The following CAMTA1 variants were observed in gnomAD, a reference collection of about 807,000 sequenced individuals.
CAMTA1 encodes calmodulin binding transcription activator 1.
Under a neutral mutation model 170.9 loss-of-function variants are expected in CAMTA1, and 27 were observed. The ratio of observed to expected loss-of-function variants is 0.16; its 90% CI spans 0.12 to 0.22. CAMTA1 has a LOEUF of 0.22. Ranked by LOEUF, CAMTA1 falls within the 10% of genes least tolerant of loss-of-function variation. The pLI, the probability that CAMTA1 is intolerant of heterozygous loss-of-function variation, is 1.00. For synonymous variants in CAMTA1, 833 were observed against 891.5 expected (o/e 0.93, Z 1.17); for missense variants, 1,619 against 2,217.2 (o/e 0.73, Z 5.42).
intron 4 of CAMTA1, among the ~76,000 whole-genome samples, chr1:7,174,933 A>G (rs1432052000): frequency 6.6e-6 from 1 of 152,212 alleles, no homozygotes; most frequent in African/African-American, 2.4e-5. Context: ...ATGTCCCATC[A>G]TGCCTTTCCC....
At chr1:6,913,444 C>A (rs758158659) in intron 3 of CAMTA1, among the ~76,000 whole-genome samples, 2 of 152,192 alleles carry the variant, frequency 1.3e-5, no homozygotes, top group Non-Finnish European at 2.9e-5. Context: ...GCAGAGCCAT[C>A]ATGGTAACGA....
At chr1:7,183,025 C>T (rs1268372385) in intron 4 of CAMTA1, among the ~76,000 whole-genome samples, 1 of 152,108 alleles carries the variant, frequency 6.6e-6, no homozygotes, top group Non-Finnish European at 1.5e-5. Context: ...TTTTGCATTG[C>T]TATAAAGGAA....
intron 4 of CAMTA1, among the ~76,000 whole-genome samples, chr1:7,138,270 G>A (rs1277325020): frequency 6.6e-6 from 1 of 152,166 alleles, no homozygotes; most frequent in Non-Finnish European, 1.5e-5. Flanking sequence ...GGGATTCTAG[G>A]TGTGAGCCAC....
chr1:7,601,590 A>T (rs535957061), intron 6 of CAMTA1, among the ~76,000 whole-genome samples: 1 of 151,954 alleles, frequency 6.6e-6, no homozygotes, highest in Non-Finnish European at 1.5e-5. Context: ...CAAGGCAGGC[A>T]GCTGGGAGGT....
intron 4 of CAMTA1, among the ~76,000 whole-genome samples, chr1:7,190,570 C>T (rs1450993390): frequency 1.3e-5 from 2 of 151,976 alleles, no homozygotes; most frequent in African/African-American, 4.8e-5. Flanking sequence ...AGGTGAGTAG[C>T]GGAGGGGAAT....
intron 3 of CAMTA1, among the ~76,000 whole-genome samples, chr1:6,866,752 G>A (rs1292219288): frequency 6.6e-6 from 1 of 152,092 alleles, no homozygotes; most frequent in Non-Finnish European, 1.5e-5. Flanking sequence ...GACTGTGCCC[G>A]GACTTTTGCT....
intron 2 of CAMTA1, 77 bp downstream of exon 2, chr1:6,820,327 G>T (rs1425920178): frequency 1.4e-6 from 2 of 1,471,654 alleles, no homozygotes; most frequent in Non-Finnish European, 1.9e-6. Context: ...TAGTACAGTG[G>T]AAACAGCCTT....
chr1:7,198,921 GTTC>G (rs1040748165), intron 4 of CAMTA1, among the ~76,000 whole-genome samples: 5 of 152,176 alleles, frequency 3.3e-5, no homozygotes, highest in African/African-American at 4.8e-5. Context: ...CCAGGCTCCA[GTTC>G]TTCTTCCCTA....
chr1:7,037,921 T>C (rs1303700044), intron 3 of CAMTA1, among the ~76,000 whole-genome samples: 2 of 151,488 alleles, frequency 1.3e-5, no homozygotes, highest in Admixed American at 6.6e-5. Context: ...ATCTTTATTT[T>C]TTTTTTTTTT....
rs900803384 is a variant in CAMTA1 at position 7,587,012 on chromosome 1, G to A, written c.511-53388G>A. On this transcript the variant is annotated intron_variant, in intron 6 of 22. Coordinates refer to ENST00000303635, the MANE Select transcript of CAMTA1 (RefSeq NM_015215.4). ...GTCTGTGATGTCCCCAACCACCCCC[G>A]CCCCCATGACCACCTGCACCCACCA... 7.9e-5 allele frequency among the ~76,000 whole-genome samples: 11 copies of A among 140,126 alleles called. No homozygotes were observed. In the East Asian group the frequency reaches 1.7e-3, roughly 21 times the overall value. The allele number at this position is 140,126 out of a possible 152,430, so 91.9% of individuals were successfully genotyped here.
At chr1:6,839,670 G>A (rs1183412655) in intron 3 of CAMTA1, among the ~76,000 whole-genome samples, 3 of 152,210 alleles carry the variant, frequency 2.0e-5, no homozygotes, top group Non-Finnish European at 4.4e-5. Context: ...CCTTTCTTAG[G>A]AAGTTATATT....
At chr1:7,021,014 G>A (rs1010050966) in intron 3 of CAMTA1, among the ~76,000 whole-genome samples, 4 of 152,256 alleles carry the variant, frequency 2.6e-5, no homozygotes, top group African/African-American at 9.6e-5. Flanking sequence ...CCCGGCCTCG[G>A]TGCACCCTGC....
At chr1:7,525,839 A>G (rs924093700) in intron 6 of CAMTA1, among the ~76,000 whole-genome samples, 2 of 152,104 alleles carry the variant, frequency 1.3e-5, no homozygotes, top group Non-Finnish European at 2.9e-5. Flanking sequence ...GCCCAGGGCC[A>G]GGCGGGCAGC....
At chr1:7,622,076 T>C (rs1469698504) in intron 6 of CAMTA1, among the ~76,000 whole-genome samples, 1 of 152,196 alleles carries the variant, frequency 6.6e-6, no homozygotes, top group Admixed American at 6.5e-5. Context: ...GTTCTTTCTG[T>C]TCATGACCCT....
intron 4 of CAMTA1, among the ~76,000 whole-genome samples, chr1:7,111,544 C>T (rs1012828155): frequency 9.2e-5 from 14 of 152,142 alleles, no homozygotes; most frequent in African/African-American, 2.4e-4. Context: ...GGACACATGA[C>T]GGCTGATGAA....
chr1:7,391,328 AGTGTGTGT>A (rs35663101), intron 5 of CAMTA1, among the ~76,000 whole-genome samples: 8 of 146,926 alleles, frequency 5.4e-5, no homozygotes, highest in South Asian at 2.2e-4. Flanking sequence ...CCCTTTACAC[AGTGTGTGT>A]GTGTGTGTGT....
intron 5 of CAMTA1, among the ~76,000 whole-genome samples, chr1:7,344,760 T>C (rs989675752): frequency 1.3e-5 from 2 of 151,702 alleles, no homozygotes; most frequent in African/African-American, 4.8e-5. Flanking sequence ...TTTTTTTTTT[T>C]TCTTTGAGGC....
At chr1:6,913,582 T>A (rs1308734876) in intron 3 of CAMTA1, among the ~76,000 whole-genome samples, 1 of 152,190 alleles carries the variant, frequency 6.6e-6, no homozygotes, top group Non-Finnish European at 1.5e-5. Flanking sequence ...AGTTTCTTCC[T>A]GCCCTGGGTG....
chr1:7,507,239 T>TCA (rs113516675), intron 6 of CAMTA1, among the ~76,000 whole-genome samples: 6,181 of 151,932 alleles, frequency 0.041, 384 homozygotes, highest in African/African-American at 0.14. Flanking sequence ...CACACAAAAC[T>TCA]CACGCTCACA....
Sources: allele counts gnomAD v4.1 joint callset (sites outside exome capture counted in the v4.1 genomes callset), GRCh38; gene constraint gnomAD v4.1.1; transcripts MANE v1.5; gene names NCBI Gene and HGNC (gene_info 2026-07-23, HGNC 2026-07-21).